TFAP2C: variants seen among roughly 807,000 people sequenced by gnomAD.
TFAP2C encodes the protein activating enhancer-binding protein 2 gamma.
In TFAP2C, 9 loss-of-function variants were observed where a neutral mutation model predicts 42.9. That is an observed-to-expected ratio of 0.21 (90% CI 0.13 to 0.37). The LOEUF (loss-of-function observed/expected upper bound fraction) is 0.37, where lower values mean the gene tolerates loss of function less well. TFAP2C is among the 10% of genes least tolerant of loss of function. The pLI is 1.00. For missense variants in TFAP2C, 462 were observed against 591.7 expected (o/e 0.78, Z 2.27); for synonymous variants, 264 against 256.0 (o/e 1.03, Z -0.30).
rs1600898482 is a variant in TFAP2C, at chr20:56,634,180, G to A, written c.834G>A (p.Leu278=). ...AATCGAAAAATGGAGGCCGGTCCTTGCGGGAGAAGTTGGACAAGATTGGGT... is the reference window on the plus strand; with the variant it reads ...AATCGAAAAATGGAGGCCGGTCCTTACGGGAGAAGTTGGACAAGATTGGGT... The part of the protein sequence containing the change: ...RAKSKNGGRS[L]REKLDKIGLN... The change falls in exon 5 of 7, where the codon TTG becomes TTA. Residue 278 remains leucine, a synonymous_variant. Coordinates refer to ENST00000201031, the MANE Select transcript of TFAP2C (RefSeq NM_003222.4). The A allele has an allele frequency of 6.2e-7, 1 of 1,614,114 alleles. No homozygotes were observed.
chr20:56,631,213 C>A lies in TFAP2C; in HGVS notation c.57C>A (p.His19Gln). ...VKYEEDCEDR[H>Q]DGSSNGNPRV... ...TTTTTTTTTCCCTCCAGGATCGCCA[C>A]GACGGGAGCAGCAATGGGAATCCGC... Residue 19 changes from histidine to glutamine, a missense_variant, in exon 2 of 7, where the codon CAC becomes CAA. Around this residue, in one of 5 missense-constraint regions of TFAP2C, gnomAD observed 271 missense variants for 269.7 expected, o/e 1.00. Transcript: ENST00000201031. The surrounding 1 kb of genome is among the most constrained non-coding windows in gnomAD (Gnocchi z 6.1). 1 of 1,528,610 alleles carries A rather than the reference C, an allele frequency of 6.5e-7. No homozygotes were observed. The highest frequency in any genetic ancestry group is 2.5e-5 in the East Asian group (1 of 39,258). The allele number at this position is 1,528,610 out of a possible 1,614,324, so 94.7% of individuals were successfully genotyped here.
At position 56,631,040 on chromosome 20, in the gene TFAP2C, C is replaced by A. The variant is rs540246227; in HGVS notation, c.49-165C>A. ...CCGCACTCTTTGCTTACAACGAAAT[C>A]CTCGGGGCGCATTGCCCCCGGGTAC... On this transcript the variant is annotated intron_variant, in intron 1 of 6. Transcript: ENST00000201031. This position sits in a 1 kb window ranked among gnomAD's most constrained non-coding sequence, Gnocchi z 6.1. 1.0e-5 allele frequency: 10 copies of A among 985,350 alleles called. No homozygotes were observed. The highest frequency in any genetic ancestry group is 1.0e-3 in the Middle Eastern group (2 of 1,914). 61.0% of individuals were successfully genotyped at this position (985,350 alleles called of 1,614,324 possible).
rs1416344371 is a variant in TFAP2C, at chr20:56,629,845, C to A, written c.48+253C>A. Among the ~76,000 whole-genome samples, 1 of 152,156 alleles carries A rather than the reference C, an allele frequency of 6.6e-6. No individual in the cohort carries two copies. The highest frequency in any genetic ancestry group is 2.4e-5 in the African/African-American group (1 of 41,434). On this transcript the variant is annotated intron_variant, in intron 1 of 6. Transcript: ENST00000201031. The surrounding 1 kb of genome is among the most constrained non-coding windows in gnomAD (Gnocchi z 5.9). ...AATCCCACCCACACAGCTTACCGGG[C>A]GCTTTCCTAAGCGGCAAACAGCCCT...
rs556637563 is a variant in TFAP2C, at chr20:56,633,190, CTTA to C, written c.587-157_587-155del. ...CCAGCCTGGGCCACAGAGTGAGACT[CTTA>C]TTATTTTTTTTTTTTAAATAAAGTC... On this transcript the variant is annotated intron_variant, in intron 3 of 6. Coordinates refer to ENST00000201031, the MANE Select transcript of TFAP2C (RefSeq NM_003222.4). Among the ~76,000 whole-genome samples, 107 of 152,068 alleles carry C rather than the reference CTTA, an allele frequency of 7.0e-4. No individual in the cohort carries two copies. The South Asian group carries it at 9.3e-3, about 13-fold the overall frequency.
Position 56,630,371 on chromosome 20 carries a change from A to G in TFAP2C, c.48+779A>G. ...GGAGGCGACAGCGCCATGTTCCTCC[A>G]GGTTCCCGGCGCCCCGAGACCCCTG... On this transcript the variant is annotated intron_variant, in intron 1 of 6. Transcript: ENST00000201031. This position sits in a 1 kb window ranked among gnomAD's most constrained non-coding sequence, Gnocchi z 5.1. The G allele has an allele frequency of 2.2e-6, 1 of 458,232 alleles. No homozygotes were observed. The highest frequency in any genetic ancestry group is 4.5e-6 in the Non-Finnish European group (1 of 221,656). 28.4% of individuals were successfully genotyped at this position (458,232 alleles called of 1,614,324 possible).
At position 56,638,883 on chromosome 20, in the gene TFAP2C, AT is replaced by A. The variant is rs955581210; in HGVS notation, c.*874del. 6.6e-6 allele frequency: 1 copy of A among 152,456 alleles called. No individual in the cohort carries two copies. The highest frequency in any genetic ancestry group is 2.4e-5 in the African/African-American group (1 of 41,406). The allele number at this position is 152,456 out of a possible 1,614,324, so 9.4% of individuals were successfully genotyped here. A position where few individuals can be genotyped will look rare whatever the true frequency, so the allele number is the denominator to read the frequency against. On this transcript the variant is annotated 3_prime_UTR_variant, in exon 7 of 7. Transcript: ENST00000201031. ...AAGAAACAGTGCGTTGAGTGTACAGATTTTATTTATGCGTAATTTAATGGGG... is the reference window on the plus strand; with the variant it reads ...AAGAAACAGTGCGTTGAGTGTACAGATTTATTTATGCGTAATTTAATGGGG...
rs183711473 is a variant in TFAP2C at position 56,634,332 on chromosome 20, T to C, written c.922+64T>C. ...TTTGTGCCTGTGTCTTTAATACTTATTGCAGAAAAACTGGAAAACAACTCT... is the reference window on the plus strand; with the variant it reads ...TTTGTGCCTGTGTCTTTAATACTTACTGCAGAAAAACTGGAAAACAACTCT... On this transcript the variant is annotated intron_variant, in intron 5 of 6. Coordinates refer to ENST00000201031, the MANE Select transcript of TFAP2C (RefSeq NM_003222.4). 1.2e-5 allele frequency: 14 copies of C among 1,213,336 alleles called. No homozygotes were observed. The Admixed American group carries it at 1.4e-4, about 12-fold the overall frequency. 75.2% of individuals were successfully genotyped at this position (1,213,336 alleles called of 1,614,324 possible).
chr20:56,631,712 G>C lies in TFAP2C; in HGVS notation c.534+22G>C. 2.5e-6 allele frequency: 4 copies of C among 1,603,952 alleles called. No homozygotes were observed. The highest frequency in any genetic ancestry group is 8.5e-7 in the Non-Finnish European group (1 of 1,175,486). ...GCAGGTGAGCGGCGCTGCGGCTCCT[G>C]ACCGGACCTGTTCACCCTACGGCCT... On this transcript the variant is annotated intron_variant, in intron 2 of 6. Transcript: ENST00000201031. This position sits in a 1 kb window ranked among gnomAD's most constrained non-coding sequence, Gnocchi z 6.1.
Position 56,638,548 on chromosome 20 carries a change from G to A in TFAP2C, c.*535G>A, listed in dbSNP as rs1409439626. On this transcript the variant is annotated 3_prime_UTR_variant, in exon 7 of 7. Coordinates refer to ENST00000201031, the MANE Select transcript of TFAP2C (RefSeq NM_003222.4). The stretch of plus-strand genomic sequence containing the variant: ...AGGAGGCAAAGGTTCTATCTGCTTA[G>A]CAACTAGTTAATAAGTGGTATCTGA... 1 of 153,550 alleles carries A rather than the reference G, an allele frequency of 6.5e-6. No homozygotes were observed. Among genetic ancestry groups the A allele is most frequent in the Non-Finnish European group, 1.5e-5 (1 of 68,898 alleles). 9.5% of individuals were successfully genotyped at this position (153,550 alleles called of 1,614,324 possible). A position where few individuals can be genotyped will look rare whatever the true frequency, so the allele number is the denominator to read the frequency against.
intron 5 of TFAP2C, 99 bp downstream of exon 5, chr20:56,634,367 G>T (rs1318277270): frequency 1.2e-6 from 1 of 826,110 alleles, no homozygotes; most frequent in Non-Finnish European, 2.0e-6. Flanking sequence ...TTAAAACTTG[G>T]TTGCAAGTAG....
At chr20:56,634,101 T>C (rs746097712) in intron 4 of TFAP2C, 49 bp from the exon 5 acceptor site, 1 of 1,260,844 alleles carries the variant, frequency 7.9e-7, no homozygotes. Context: ...TGCGTGTGTA[T>C]GTGTTTTTGT....
Position 56,638,165 on chromosome 20 carries a change from C to T in TFAP2C, c.*152C>T, listed in dbSNP as rs977165237. On this transcript the variant is annotated 3_prime_UTR_variant, in exon 7 of 7. Coordinates refer to ENST00000201031, the MANE Select transcript of TFAP2C (RefSeq NM_003222.4). Reference sequence around the variant, plus strand: ...GAGCCTTCACTGGTTCTGCATCACCCGCCCCTGGACTTCTTAGTTGTTTCT... The same window carrying T: ...GAGCCTTCACTGGTTCTGCATCACCTGCCCCTGGACTTCTTAGTTGTTTCT... The T allele has an allele frequency of 2.1e-5, 14 of 669,102 alleles. No homozygotes were observed. Among genetic ancestry groups the T allele is most frequent in the Admixed American group, 2.9e-5 (1 of 34,046 alleles). The allele number at this position is 669,102 out of a possible 1,614,324, so 41.4% of individuals were successfully genotyped here. A position where few individuals can be genotyped will look rare whatever the true frequency, so the allele number is the denominator to read the frequency against.
In TFAP2C at chr20:56,630,922, AAGCGCCTCGGGCTTGGGAGC is replaced by A; in HGVS notation, c.49-275_49-256del. The A allele has an allele frequency of 2.2e-5, 22 of 985,278 alleles. No individual in the cohort carries two copies. The highest frequency in any genetic ancestry group is 2.7e-5 in the Non-Finnish European group (22 of 829,878). 61.0% of individuals were successfully genotyped at this position (985,278 alleles called of 1,614,324 possible). A position where few individuals can be genotyped will look rare whatever the true frequency, so the allele number is the denominator to read the frequency against. On this transcript the variant is annotated intron_variant, in intron 1 of 6. Transcript: ENST00000201031. The surrounding 1 kb of genome is among the most constrained non-coding windows in gnomAD (Gnocchi z 5.1). ...CCCAGGGTTCGGACTTGGCGCCTCC[AAGCGCCTCGGGCTTGGGAGC>A]AGCGCCTAGACCTTCGCCGCCGGGC...
chr20:56,629,487 T>C lies in TFAP2C; in HGVS notation c.-58T>C. On this transcript the variant is annotated 5_prime_UTR_variant, in exon 1 of 7. Coordinates refer to ENST00000201031, the MANE Select transcript of TFAP2C (RefSeq NM_003222.4). The surrounding 1 kb of genome is among the most constrained non-coding windows in gnomAD (Gnocchi z 5.9). The stretch of plus-strand genomic sequence containing the variant: ...TGACCCCGATTTTGGATTTACCGCT[T>C]GGGGGCTGGGGGGATCCTGGATTTA... The C allele has an allele frequency of 7.4e-7, 1 of 1,344,444 alleles. No homozygotes were observed. Among genetic ancestry groups the C allele is most frequent in the Non-Finnish European group, 9.6e-7 (1 of 1,037,912 alleles). The allele number at this position is 1,344,444 out of a possible 1,614,324, so 83.3% of individuals were successfully genotyped here.
chr20:56,631,129 GC>G lies in TFAP2C; in HGVS notation c.49-73del. ...TTGGTCCCCCGGGGCCCTCTGCGTA[GC>G]CCGGCGATGCCGGCCAGTTCGCAGT... On this transcript the variant is annotated intron_variant, in intron 1 of 6. Coordinates refer to ENST00000201031, the MANE Select transcript of TFAP2C (RefSeq NM_003222.4). The surrounding 1 kb of genome is among the most constrained non-coding windows in gnomAD (Gnocchi z 6.1). 2.0e-6 allele frequency: 3 copies of G among 1,464,672 alleles called. No individual in the cohort carries two copies. In the South Asian group the frequency reaches 4.3e-5, roughly 21 times the overall value. 90.7% of individuals were successfully genotyped at this position (1,464,672 alleles called of 1,614,324 possible). A position where few individuals can be genotyped will look rare whatever the true frequency, so the allele number is the denominator to read the frequency against.
chr20:56,637,946 A>G lies in TFAP2C; in HGVS notation c.1286A>G (p.Asn429Ser), dbSNP rs1987617044. 1 of 1,613,922 alleles carries G rather than the reference A, an allele frequency of 6.2e-7. No individual in the cohort carries two copies. The highest frequency in any genetic ancestry group is 1.3e-5 in the African/African-American group (1 of 74,912). ...ALIVIDKSYM[N>S]PGDQSPADSN... is the part of the protein sequence containing the mutation. ...ATTGTCATAGACAAATCCTACATGA[A>G]CCCTGGAGACCAGAGTCCAGCTGAT... The change falls in exon 7 of 7, where the codon AAC becomes AGC. Residue 429 changes from asparagine (N) to serine (S), a missense_variant. Transcript: ENST00000201031.
chr20:56,631,928 G>C lies in TFAP2C; in HGVS notation c.586+72G>C. On this transcript the variant is annotated intron_variant, in intron 3 of 6. Transcript: ENST00000201031. This position sits in a 1 kb window ranked among gnomAD's most constrained non-coding sequence, Gnocchi z 6.1. ...CTTGTGAAGTTGACTGGCAAGGTTGGGGGTATTTGGTGGCCAGCGTGGGAC... is the reference window on the plus strand; with the variant it reads ...CTTGTGAAGTTGACTGGCAAGGTTGCGGGTATTTGGTGGCCAGCGTGGGAC... 1 of 1,570,632 alleles carries C rather than the reference G, an allele frequency of 6.4e-7. No homozygotes were observed. Among genetic ancestry groups the C allele is most frequent in the Admixed American group, 1.7e-5 (1 of 59,786 alleles).
In TFAP2C at chr20:56,638,081, C is replaced by T; in HGVS notation, c.*68C>T. The stretch of plus-strand genomic sequence containing the variant: ...ACTGCAAAAATCCTTCTCCACCGCA[C>T]AGACTGGGAACCCCTCCTGGCCTGG... On this transcript the variant is annotated 3_prime_UTR_variant, in exon 7 of 7. Transcript: ENST00000201031. The T allele has an allele frequency of 7.0e-7, 1 of 1,438,004 alleles. No homozygotes were observed. The highest frequency in any genetic ancestry group is 9.4e-7 in the Non-Finnish European group (1 of 1,062,164). The allele number at this position is 1,438,004 out of a possible 1,614,324, so 89.1% of individuals were successfully genotyped here.
At position 56,631,561 on chromosome 20, in the gene TFAP2C, G is replaced by C. The variant is rs745819504; in HGVS notation, c.405G>C (p.Ala135=). The C allele has an allele frequency of 3.3e-6, 5 of 1,530,506 alleles. No individual in the cohort carries two copies. Among genetic ancestry groups the C allele is most frequent in the African/African-American group, 1.4e-5 (1 of 71,772 alleles). 94.8% of individuals were successfully genotyped at this position (1,530,506 alleles called of 1,614,324 possible). Residue 135 remains alanine, a synonymous_variant, in exon 2 of 7, where the codon GCG becomes GCC. Transcript: ENST00000201031. This position sits in a 1 kb window ranked among gnomAD's most constrained non-coding sequence, Gnocchi z 6.1. ...LPHLSGLEAG[A]VSARRDAYRR... ...ACCTCTCCGGGCTGGAGGCGGGCGC[G>C]GTGAGCGCCCGCAGGGATGCCTACC...
Sources: allele counts gnomAD v4.1 joint callset (sites outside exome capture counted in the v4.1 genomes callset), GRCh38; gene constraint gnomAD v4.1.1; regional missense constraint gnomAD v4.1.1; non-coding constraint Gnocchi (gnomAD v3.1); transcripts MANE v1.5; gene names NCBI Gene and HGNC (gene_info 2026-07-23, HGNC 2026-07-21).